The following ZC2HC1B variants were observed in gnomAD, a reference collection of about 807,000 sequenced individuals.
The protein encoded by ZC2HC1B is zinc finger C2HC-type containing 1B.
A neutral mutation model predicts 31.0 loss-of-function variants in ZC2HC1B; 36 were observed. The ratio of observed to expected loss-of-function variants is 1.16; its 90% CI spans 0.89 to 1.54. ZC2HC1B has a LOEUF of 1.54. Ranked by LOEUF, ZC2HC1B falls within the 40% of genes most tolerant of loss-of-function variation. ZC2HC1B has a pLI of 0.00. For synonymous variants in ZC2HC1B, 73 were observed against 88.0 expected, an observed-to-expected ratio of 0.83 and a Z score of 0.95; for missense variants, 260 against 268.6, an observed-to-expected ratio of 0.97 and a Z score of 0.22.
rs1777446772 is a variant in ZC2HC1B at position 143,879,778 on chromosome 6, T to C, written c.29-4526T>C. ...ATTCTCTCCATGCTTCTTTGTAATG[T>C]TTGTTTGTTTTTGTTTTTTTTTTTT... is the stretch of plus-strand genomic sequence containing the variant. On this transcript the variant is annotated intron_variant, in intron 1 of 7. Coordinates refer to ENST00000237275, the MANE Select transcript of ZC2HC1B (RefSeq NM_001013623.3). 3.6e-5 allele frequency among the ~76,000 whole-genome samples: 5 copies of C among 138,652 alleles called. No homozygotes were observed. In the South Asian group the frequency reaches 1.1e-3, roughly 32 times the overall value. 91.0% of individuals were successfully genotyped at this position (138,652 alleles called of 152,430 possible). A position where few individuals can be genotyped will look rare whatever the true frequency, so the allele number is the denominator to read the frequency against.
rs1217101703 is a variant in ZC2HC1B, at chr6:143,915,721, G to A, written c.598+12569G>A. Among the ~76,000 whole-genome samples the A allele has an allele frequency of 6.6e-6, 1 of 152,192 alleles. No homozygotes were observed. The highest frequency in any genetic ancestry group is 2.4e-5 in the African/African-American group (1 of 41,454). On this transcript the variant is annotated intron_variant, in intron 6 of 7. Coordinates refer to ENST00000237275, the MANE Select transcript of ZC2HC1B (RefSeq NM_001013623.3). This position sits in a 1 kb window ranked among gnomAD's most constrained non-coding sequence, Gnocchi z 5.2. Reference sequence around the variant, plus strand: ...TTATGTTTTAGCAAAGAGACTGGTGGCATTTTGCCCCTGCCATAGAGATGT... The same window carrying A: ...TTATGTTTTAGCAAAGAGACTGGTGACATTTTGCCCCTGCCATAGAGATGT...
rs1489442550 is a variant in ZC2HC1B at position 143,885,697 on chromosome 6, C to T, written c.91-335C>T. Among the ~76,000 whole-genome samples the T allele has an allele frequency of 2.0e-5, 3 of 152,084 alleles. No individual in the cohort carries two copies. The highest frequency in any genetic ancestry group is 4.8e-5 in the African/African-American group (2 of 41,354). The stretch of plus-strand genomic sequence containing the variant: ...GGGAAAGCTCTGCATGTTAGCTCTT[C>T]AGTTTTTGTATCAGAAATGTTGAAT... On this transcript the variant is annotated intron_variant, in intron 2 of 7. Transcript: ENST00000237275. The surrounding 1 kb of genome is among the most constrained non-coding windows in gnomAD (Gnocchi z 4.2).
chr6:143,925,539 T>TTC (rs1484943016), intron 6 of ZC2HC1B, among the ~76,000 whole-genome samples: 1 of 143,726 alleles, frequency 7.0e-6, no homozygotes, highest in African/African-American at 2.6e-5. Context: ...TTCTTTTCTT[T>TTC]TTTTTTTTTT....
chr6:143,890,533 A>T (rs1777588116), intron 4 of ZC2HC1B, among the ~76,000 whole-genome samples: 1 of 152,116 alleles, frequency 6.6e-6, no homozygotes, highest in African/African-American at 2.4e-5. Flanking sequence ...TGAGATCAGG[A>T]AAAAAACAAG....
Position 143,909,794 on chromosome 6 carries a change from C to A in ZC2HC1B, c.598+6642C>A, listed in dbSNP as rs546889397. Among the ~76,000 whole-genome samples, 236 of 152,170 alleles carry A rather than the reference C, an allele frequency of 1.6e-3. 2 individuals carry two copies. The highest frequency in any genetic ancestry group is 5.2e-3 in the African/African-American group (217 of 41,504). On this transcript the variant is annotated intron_variant, in intron 6 of 7. Coordinates refer to ENST00000237275, the MANE Select transcript of ZC2HC1B (RefSeq NM_001013623.3). ...TTCCGATTGTGTTTATATAAATCTTCTCTCTTTTCTTCTTTACTAGTCTAG... is the reference window on the plus strand; with the variant it reads ...TTCCGATTGTGTTTATATAAATCTTATCTCTTTTCTTCTTTACTAGTCTAG...
intron 1 of ZC2HC1B, among the ~76,000 whole-genome samples, chr6:143,866,072 C>T (rs756480221): frequency 3.3e-5 from 5 of 152,212 alleles, no homozygotes; most frequent in Non-Finnish European, 7.4e-5. Flanking sequence ...GCCTCGGCCT[C>T]CCAAAGTGCT....
rs1225567835 is a variant in ZC2HC1B, at chr6:143,872,415, A to C, written c.28+7848A>C. 6.6e-6 allele frequency among the ~76,000 whole-genome samples: 1 copy of C among 152,170 alleles called. No individual in the cohort carries two copies. The highest frequency in any genetic ancestry group is 2.4e-5 in the African/African-American group (1 of 41,430). ...GCTCTATATGTGTCAGACTATTCTG[A>C]TTGTTGCCACTTTGCCTCTGCAGTC... On this transcript the variant is annotated intron_variant, in intron 1 of 7. Coordinates refer to ENST00000237275, the MANE Select transcript of ZC2HC1B (RefSeq NM_001013623.3). The surrounding 1 kb of genome is among the most constrained non-coding windows in gnomAD (Gnocchi z 5.5).
rs1777947973 is a variant in ZC2HC1B at position 143,918,639 on chromosome 6, TC to T, written c.598+15488del. ...GGCAAGTTTTCAGCCATTATTTCTC[TC>T]TGCTCTTTTCTCTCTCTGCTCCTTC... is the stretch of plus-strand genomic sequence containing the variant. On this transcript the variant is annotated intron_variant, in intron 6 of 7. Transcript: ENST00000237275. This position sits in a 1 kb window ranked among gnomAD's most constrained non-coding sequence, Gnocchi z 4.1. Among the ~76,000 whole-genome samples, 1 of 152,336 alleles carries T rather than the reference TC, an allele frequency of 6.6e-6. No individual in the cohort carries two copies. The highest frequency in any genetic ancestry group is 1.9e-4 in the East Asian group (1 of 5,192).
At chr6:143,928,357 A>G (rs1423037533) in intron 6 of ZC2HC1B, among the ~76,000 whole-genome samples, 1 of 152,154 alleles carries the variant, frequency 6.6e-6, no homozygotes, top group African/African-American at 2.4e-5. Flanking sequence ...AGCACCGTTT[A>G]TTGAGTAGGG....
intron 1 of ZC2HC1B, among the ~76,000 whole-genome samples, chr6:143,875,324 G>A (rs1777392526): frequency 7.3e-6 from 1 of 136,916 alleles, no homozygotes; most frequent in Non-Finnish European, 1.6e-5. Context: ...GGTCTAAAGT[G>A]ACTAATCCAC....
chr6:143,920,162 T>G (rs1237440210), intron 6 of ZC2HC1B, among the ~76,000 whole-genome samples: 1 of 152,096 alleles, frequency 6.6e-6, no homozygotes, highest in Non-Finnish European at 1.5e-5. Flanking sequence ...CATATGAGAA[T>G]GCTTAAAGGA....
At chr6:143,892,541 G>A (rs1777613220) in intron 4 of ZC2HC1B, among the ~76,000 whole-genome samples, 3 of 152,160 alleles carry the variant, frequency 2.0e-5, no homozygotes, top group South Asian at 2.1e-4. Flanking sequence ...CAAGCAATCC[G>A]CCTGCCTCGG....
chr6:143,913,158 C>A lies in ZC2HC1B; in HGVS notation c.598+10006C>A, dbSNP rs1451009042. 6.6e-6 allele frequency among the ~76,000 whole-genome samples: 1 copy of A among 152,224 alleles called. No individual in the cohort carries two copies. Among genetic ancestry groups the A allele is most frequent in the South Asian group, 2.1e-4 (1 of 4,832 alleles). On this transcript the variant is annotated intron_variant, in intron 6 of 7. Transcript: ENST00000237275. This position sits in a 1 kb window ranked among gnomAD's most constrained non-coding sequence, Gnocchi z 5.7. ...CTCCCCTCCTCTGGGCACTTCATCC[C>A]AGGGAGAGATCAGAGCTCTGTCCCT...
In ZC2HC1B at chr6:143,868,768, A is replaced by G. The variant is rs1287394053; in HGVS notation, c.28+4201A>G. The stretch of plus-strand genomic sequence containing the variant: ...ATAAGGTCATAATTATGCCTAACGT[A>G]ATACAACTATCCTTAATACAACCAG... On this transcript the variant is annotated intron_variant, in intron 1 of 7. Transcript: ENST00000237275. The surrounding 1 kb of genome is among the most constrained non-coding windows in gnomAD (Gnocchi z 4.2). Among the ~76,000 whole-genome samples, 4 of 152,224 alleles carry G rather than the reference A, an allele frequency of 2.6e-5. No homozygotes were observed. The highest frequency in any genetic ancestry group is 7.2e-5 in the African/African-American group (3 of 41,456).
Position 143,884,381 on chromosome 6 carries a change from T to C in ZC2HC1B, c.90+16T>C. 1 of 1,529,372 alleles carries C rather than the reference T, an allele frequency of 6.5e-7. No individual in the cohort carries two copies. The highest frequency in any genetic ancestry group is 8.8e-7 in the Non-Finnish European group (1 of 1,130,304). The allele number at this position is 1,529,372 out of a possible 1,614,324, so 94.7% of individuals were successfully genotyped here. On this transcript the variant is annotated intron_variant, in intron 2 of 7. Transcript: ENST00000237275. The surrounding 1 kb of genome is among the most constrained non-coding windows in gnomAD (Gnocchi z 5.1). ...AGATGTTCTGGTAAACATAAAGACA[T>C]TTTGTAGATGTGTTTCATTGGACTT...
rs1221160957 is a variant in ZC2HC1B at position 143,924,898 on chromosome 6, T to C, written c.599-12751T>C. On this transcript the variant is annotated intron_variant, in intron 6 of 7. Coordinates refer to ENST00000237275, the MANE Select transcript of ZC2HC1B (RefSeq NM_001013623.3). The surrounding 1 kb of genome is among the most constrained non-coding windows in gnomAD (Gnocchi z 5.2). ...TTGGATTCACTTTGCTAGTATTTTG[T>C]TGAAGCTTTTTTGTGTCTGTGTTCA... Among the ~76,000 whole-genome samples the C allele has an allele frequency of 2.0e-5, 3 of 152,194 alleles. No individual in the cohort carries two copies. Among genetic ancestry groups the C allele is most frequent in the South Asian group, 2.1e-4 (1 of 4,832 alleles).
At chr6:143,928,839 CT>C (rs1554241657) in intron 6 of ZC2HC1B, among the ~76,000 whole-genome samples, 22 of 111,972 alleles carry the variant, frequency 2.0e-4, no homozygotes, top group South Asian at 3.1e-4. Context: ...TTTTTTTGTT[CT>C]TTTTTTTTTA....
chr6:143,929,670 A>G (rs1778094672), intron 6 of ZC2HC1B, among the ~76,000 whole-genome samples: 1 of 152,094 alleles, frequency 6.6e-6, no homozygotes, highest in Admixed American at 6.5e-5. Context: ...ATGTCTGATA[A>G]AATTTGGCTG....
rs113756736 is a variant in ZC2HC1B, at chr6:143,883,384, C to G, written c.29-920C>G. Among the ~76,000 whole-genome samples the G allele has an allele frequency of 5.9e-4, 90 of 152,310 alleles. 1 individual carries two copies. Among genetic ancestry groups the G allele is most frequent in the African/African-American group, 2.1e-3 (87 of 41,576 alleles). ...AACTCCGCTCTTCTCCCACTATACT[C>G]GCAATCCATTTGCCCCTTCTTGCCT... On this transcript the variant is annotated intron_variant, in intron 1 of 7. Coordinates refer to ENST00000237275, the MANE Select transcript of ZC2HC1B (RefSeq NM_001013623.3). The surrounding 1 kb of genome is among the most constrained non-coding windows in gnomAD (Gnocchi z 4.1).
Sources: allele counts gnomAD v4.1 joint callset (sites outside exome capture counted in the v4.1 genomes callset), GRCh38; gene constraint gnomAD v4.1.1; non-coding constraint Gnocchi (gnomAD v3.1); transcripts MANE v1.5; gene names NCBI Gene and HGNC (gene_info 2026-07-23, HGNC 2026-07-21).